The following GPM6A variants were observed in gnomAD, a reference collection of about 807,000 sequenced individuals.
The protein encoded by GPM6A is glycoprotein M6A.
In GPM6A, 7 loss-of-function variants were observed where a neutral mutation model predicts 32.1. The observed-to-expected ratio is 0.22, with a 90% CI of 0.12 to 0.41. The LOEUF is 0.41. Among genes scored for constraint, GPM6A ranks in the 10% least tolerant of loss-of-function variants. The probability of loss-of-function intolerance (pLI) is 1.00; values close to 1 mark genes in which losing one functional copy is unlikely to be tolerated. For missense variants in GPM6A, 235 were observed against 347.2 expected, an observed-to-expected ratio of 0.68 and a Z score of 2.57; for synonymous variants, 130 against 123.4, an observed-to-expected ratio of 1.05 and a Z score of -0.35.
intron 1 of GPM6A, among the ~76,000 whole-genome samples, chr4:175,745,548 AGACCTAGT>A (rs2111175577): frequency 6.6e-6 from 1 of 152,224 alleles, no homozygotes; most frequent in East Asian, 1.9e-4. Flanking sequence ...CTGCCTCAAA[AGACCTAGT>A]GTACTTGGCA....
chr4:175,637,141 A>ATATATAATATATAATATATTATATG (rs1560841494), intron 6 of GPM6A, among the ~76,000 whole-genome samples: 12 of 111,774 alleles, frequency 1.1e-4, no homozygotes, highest in Admixed American at 2.4e-4. Flanking sequence ...TATATTATAT[A>ATATATAATATATAATATATTATATG]TGATATATTA....
chr4:175,677,521 C>G (rs575368380), intron 2 of GPM6A, among the ~76,000 whole-genome samples: 1 of 152,014 alleles, frequency 6.6e-6, no homozygotes, highest in African/African-American at 2.4e-5. Flanking sequence ...AAATTTAAGG[C>G]ATAGAACTGA....
intron 1 of GPM6A, among the ~76,000 whole-genome samples, chr4:175,930,089 A>T (rs752495175): frequency 6.6e-6 from 1 of 152,164 alleles, no homozygotes; most frequent in Non-Finnish European, 1.5e-5. Context: ...CACAGTCAAC[A>T]GTTGTTTTAT....
intron 6 of GPM6A, among the ~76,000 whole-genome samples, chr4:175,637,740 A>G (rs1283488606): frequency 1.2e-5 from 1 of 85,626 alleles, no homozygotes; most frequent in Non-Finnish European, 2.1e-5. Flanking sequence ...TATATATTAT[A>G]TAAAAATATA....
intron 1 of GPM6A, among the ~76,000 whole-genome samples, chr4:175,871,174 A>G (rs116312394): frequency 1.5e-3 from 227 of 152,226 alleles, no homozygotes; most frequent in African/African-American, 4.9e-3. Flanking sequence ...TTTGTCTTCA[A>G]AAGAATTCAG....
chr4:175,928,148 TAA>T (rs1411295545), intron 1 of GPM6A, among the ~76,000 whole-genome samples: 1 of 152,208 alleles, frequency 6.6e-6, no homozygotes, highest in Admixed American at 6.5e-5. Context: ...CTTTATAAAA[TAA>T]GTGTCCGGAA....
intron 4 of GPM6A, among the ~76,000 whole-genome samples, chr4:175,642,817 C>T (rs181831050): frequency 2.0e-4 from 30 of 152,240 alleles, no homozygotes; most frequent in Non-Finnish European, 4.0e-4. Flanking sequence ...CATCCCATAT[C>T]TCTCTTCTGA....
chr4:175,929,304 T>C (rs894567613), intron 1 of GPM6A, among the ~76,000 whole-genome samples: 16 of 152,332 alleles, frequency 1.1e-4, no homozygotes, highest in African/African-American at 3.6e-4. Flanking sequence ...GTCAAAATAT[T>C]TTGAAAACTA....
chr4:175,688,560 A>G (rs1744122993), intron 2 of GPM6A, among the ~76,000 whole-genome samples: 1 of 152,086 alleles, frequency 6.6e-6, no homozygotes, highest in South Asian at 2.1e-4. Context: ...GTCTGTCTTT[A>G]TGTCAATACC....
intron 1 of GPM6A, among the ~76,000 whole-genome samples, chr4:175,930,248 A>G (rs934729019): frequency 2.0e-5 from 3 of 152,142 alleles, no homozygotes; most frequent in Admixed American, 2.0e-4. Flanking sequence ...TGGAAACAGC[A>G]TTAGCAGTTT....
chr4:175,759,751 C>G (rs1372147841), intron 1 of GPM6A, among the ~76,000 whole-genome samples: 3 of 152,058 alleles, frequency 2.0e-5, no homozygotes, highest in Non-Finnish European at 4.4e-5. Context: ...TTATGTATCA[C>G]TTTATAGTAA....
At chr4:175,978,751 T>C (rs1466959591) in intron 1 of GPM6A, among the ~76,000 whole-genome samples, 1 of 152,184 alleles carries the variant, frequency 6.6e-6, no homozygotes, top group African/African-American at 2.4e-5. Context: ...TATCTGAGTT[T>C]TAATCTGAAT....
intron 1 of GPM6A, among the ~76,000 whole-genome samples, chr4:175,747,649 G>A (rs1037205007): frequency 2.6e-5 from 4 of 152,096 alleles, no homozygotes; most frequent in African/African-American, 7.2e-5. Flanking sequence ...AACTGCTAGC[G>A]ATCATCTGAG....
At chr4:175,836,686 G>A (rs904370660) in intron 1 of GPM6A, among the ~76,000 whole-genome samples, 1 of 149,782 alleles carries the variant, frequency 6.7e-6, no homozygotes, top group Non-Finnish European at 1.5e-5. Flanking sequence ...CCCCAAAACA[G>A]CATGAACATC....
chr4:175,661,098 A>G (rs1167270101), intron 3 of GPM6A, among the ~76,000 whole-genome samples: 2 of 152,222 alleles, frequency 1.3e-5, no homozygotes, highest in African/African-American at 4.8e-5. Flanking sequence ...ACTCTGATAA[A>G]AACACTAGAA....
chr4:175,999,738 GA>G (rs1009579178), intron 1 of GPM6A, among the ~76,000 whole-genome samples: 4 of 151,402 alleles, frequency 2.6e-5, no homozygotes, highest in Admixed American at 2.0e-4. Flanking sequence ...ATGATACCAG[GA>G]AAAAAACAAA....
chr4:175,999,632 G>A (rs1223133079), intron 1 of GPM6A, among the ~76,000 whole-genome samples: 1 of 151,902 alleles, frequency 6.6e-6, no homozygotes, highest in Non-Finnish European at 1.5e-5. Flanking sequence ...CAGTGCTAGA[G>A]TTCAGATTTC....
chr4:175,660,232 T>C (rs976622397), intron 3 of GPM6A, among the ~76,000 whole-genome samples: 3 of 152,048 alleles, frequency 2.0e-5, no homozygotes, highest in Non-Finnish European at 2.9e-5. Context: ...ACCCCGTCTC[T>C]ACTAAAAATA....
At chr4:175,949,615 A>G (rs1739734564) in intron 1 of GPM6A, among the ~76,000 whole-genome samples, 1 of 152,226 alleles carries the variant, frequency 6.6e-6, no homozygotes, top group Non-Finnish European at 1.5e-5. Flanking sequence ...ACCATAGCTA[A>G]TACTCCTTGC....
Sources: allele counts gnomAD v4.1 joint callset (sites outside exome capture counted in the v4.1 genomes callset), GRCh38; gene constraint gnomAD v4.1.1; transcripts MANE v1.5; gene names NCBI Gene and HGNC (gene_info 2026-07-23, HGNC 2026-07-21).